WWP1: variants seen among roughly 807,000 people sequenced by gnomAD.
WWP1 encodes WW domain containing E3 ubiquitin protein ligase 1, also known as NEDD4-like E3 ubiquitin-protein ligase WWP1.
A neutral mutation model predicts 130.6 loss-of-function variants in WWP1; 49 were observed. That is an observed-to-expected ratio of 0.38 (90% CI 0.30 to 0.48). The LOEUF is 0.48. Ranked by LOEUF, WWP1 falls within the 20% of genes least tolerant of loss-of-function variation. The probability of loss-of-function intolerance (pLI) is 0.99; values close to 1 mark genes in which losing one functional copy is unlikely to be tolerated. For synonymous variants in WWP1, 332 were observed against 367.8 expected, an observed-to-expected ratio of 0.90 and a Z score of 1.11; for missense variants, 809 against 1,100.6, an observed-to-expected ratio of 0.74 and a Z score of 3.75.
At chr8:86,459,023 C>CTTTTTTTTTTTT (rs71275853) in intron 22 of WWP1, among the ~76,000 whole-genome samples, 123 of 84,204 alleles carry the variant, frequency 1.5e-3, no homozygotes, top group African/African-American at 2.5e-3. Context: ...TTTCTTTTTT[C>CTTTTTTTTTTTT]TTTTTTTTTT....
Position 86,461,782 on chromosome 8 carries a change from G to A in WWP1, c.2605G>A (p.Gly869Arg). 6.2e-7 allele frequency: 1 copy of A among 1,613,784 alleles called. No homozygotes were observed. The highest frequency in any genetic ancestry group is 1.7e-5 in the Admixed American group (1 of 60,010). The change falls in exon 24 of 25, where the codon GGG becomes AGG. Residue 869 changes from glycine to arginine, a missense_variant. This residue lies in a region of WWP1 where 450 missense variants were observed against 674.2 expected (regional missense o/e 0.67). Coordinates refer to ENST00000517970, the MANE Select transcript of WWP1 (RefSeq NM_007013.4). ...GGFAELMGSN[G>R]PQKFCIEKVG... ...TTATTTTCTTGGTGTAGGAAGTAAT[G>A]GGCCTCAAAAGTTTTGCATTGAAAA...
In WWP1 at chr8:86,361,284, G is replaced by C. The variant is rs141343286; in HGVS notation, c.-114-7655G>C. On this transcript the variant is annotated intron_variant, in intron 1 of 24. Coordinates refer to ENST00000517970, the MANE Select transcript of WWP1 (RefSeq NM_007013.4). Reference sequence around the variant, plus strand: ...GTAATTGGCCTAGGCAGAAATCTGGGACATATTAACATATCCCCTTCTTTT... The same window carrying C: ...GTAATTGGCCTAGGCAGAAATCTGGCACATATTAACATATCCCCTTCTTTT... Among the ~76,000 whole-genome samples the C allele has an allele frequency of 8.6e-4, 131 of 152,176 alleles. 1 individual carries two copies. Among genetic ancestry groups the C allele is most frequent in the African/African-American group, 2.9e-3 (119 of 41,534 alleles).
chr8:86,354,097 G>A (rs1226513045), intron 1 of WWP1, among the ~76,000 whole-genome samples: 3 of 152,162 alleles, frequency 2.0e-5, no homozygotes, highest in African/African-American at 7.2e-5. Flanking sequence ...TGGGCTGAGT[G>A]CTACTGTTTA....
chr8:86,385,423 C>T (rs1182556216), intron 5 of WWP1, among the ~76,000 whole-genome samples: 1 of 151,942 alleles, frequency 6.6e-6, no homozygotes, highest in Non-Finnish European at 1.5e-5. Flanking sequence ...GAAAGACAAT[C>T]TAGCTCTTCA....
intron 1 of WWP1, among the ~76,000 whole-genome samples, chr8:86,355,021 G>A (rs1823174414): frequency 6.6e-6 from 1 of 152,058 alleles, no homozygotes; most frequent in South Asian, 2.1e-4. Flanking sequence ...TGAGACTCAG[G>A]TTAAATATGC....
intron 1 of WWP1, among the ~76,000 whole-genome samples, chr8:86,366,705 A>G (rs1323642503): frequency 2.0e-5 from 3 of 152,148 alleles, no homozygotes; most frequent in Non-Finnish European, 4.4e-5. Context: ...GAGCCATTAC[A>G]CTGTTCACTA....
In WWP1 at chr8:86,398,436, G is replaced by A; in HGVS notation, c.429G>A (p.Val143=). The change falls in exon 6 of 25, where the codon GTG becomes GTA. Residue 143 remains valine, a synonymous_variant. Transcript: ENST00000517970. Reference sequence around the variant, plus strand: ...TGACAGTTGTGCTTGATGGATTGGTGATTGAGCAAGAAAATATAACAAACT... The same window carrying A: ...TGACAGTTGTGCTTGATGGATTGGTAATTGAGCAAGAAAATATAACAAACT... ...GELTVVLDGL[V]IEQENITNCS... is the part of the protein sequence containing the mutation. The A allele has an allele frequency of 1.9e-6, 3 of 1,612,952 alleles. No individual in the cohort carries two copies. Among genetic ancestry groups the A allele is most frequent in the Non-Finnish European group, 2.5e-6 (3 of 1,179,264 alleles).
intron 3 of WWP1, among the ~76,000 whole-genome samples, chr8:86,378,987 C>G (rs574214446): frequency 4.6e-5 from 7 of 152,302 alleles, no homozygotes; most frequent in African/African-American, 1.7e-4. Flanking sequence ...AATTGACTTA[C>G]TGTGGTCAGG....
chr8:86,420,695 G>A (rs1809152662), intron 9 of WWP1, among the ~76,000 whole-genome samples: 2 of 152,292 alleles, frequency 1.3e-5, no homozygotes, highest in East Asian at 3.9e-4. Context: ...GGAAAATGAA[G>A]TGAAAGAGAC....
chr8:86,386,770 T>C (rs1323537653), intron 5 of WWP1: 1 of 152,214 alleles, frequency 6.6e-6, no homozygotes, highest in Non-Finnish European at 1.5e-5. Flanking sequence ...TTACTGCATT[T>C]GTTCTGCTGT....
intron 2 of WWP1, among the ~76,000 whole-genome samples, chr8:86,373,486 A>G (rs943357630): frequency 9.2e-5 from 14 of 152,100 alleles, no homozygotes; most frequent in South Asian, 4.1e-4. Context: ...TTCCCACCCC[A>G]TGTAGACTGT....
intron 20 of WWP1, among the ~76,000 whole-genome samples, chr8:86,449,748 C>T (rs889393431): frequency 3.9e-5 from 6 of 152,188 alleles, no homozygotes; most frequent in Admixed American, 3.9e-4. Flanking sequence ...TAGCTGTCAT[C>T]TCTGTCTCTT....
intron 16 of WWP1, 68 bp from the exon 17 acceptor site, chr8:86,438,517 T>C: frequency 1.7e-6 from 2 of 1,177,806 alleles, no homozygotes; most frequent in Non-Finnish European, 2.4e-6. Context: ...AGATTAAATT[T>C]AAATTGTTTT....
At position 86,461,383 on chromosome 8, in the gene WWP1, A is replaced by G; in HGVS notation, c.2596+63A>G. The G allele has an allele frequency of 7.3e-6, 10 of 1,368,858 alleles. No homozygotes were observed. The South Asian group carries it at 8.2e-5, about 11-fold the overall frequency. 84.8% of individuals were successfully genotyped at this position (1,368,858 alleles called of 1,614,324 possible). ...TTTGTGATAATAATGGCCTTTGGACATACAATAGACTTGATTGAACCTAAA... is the reference window on the plus strand; with the variant it reads ...TTTGTGATAATAATGGCCTTTGGACGTACAATAGACTTGATTGAACCTAAA... On this transcript the variant is annotated intron_variant, in intron 23 of 24. Coordinates refer to ENST00000517970, the MANE Select transcript of WWP1 (RefSeq NM_007013.4).
intron 18 of WWP1, among the ~76,000 whole-genome samples, chr8:86,445,326 A>T (rs1056009007): frequency 2.0e-5 from 3 of 151,916 alleles, no homozygotes; most frequent in Non-Finnish European, 2.9e-5. Flanking sequence ...TAGTTTTTCA[A>T]CCCTTGCCTT....
At chr8:86,348,536 T>C (rs10097546) in intron 1 of WWP1, among the ~76,000 whole-genome samples, 22,363 of 152,138 alleles carry the variant, frequency 0.15, 1,791 homozygotes, top group Non-Finnish European at 0.19. Flanking sequence ...ATTTCTTAAA[T>C]CTACAGTTCA....
intron 5 of WWP1, 41 bp from the exon 6 acceptor site, chr8:86,398,301 A>C (rs1175071418): frequency 1.3e-6 from 2 of 1,536,970 alleles, no homozygotes; most frequent in Non-Finnish European, 1.8e-6. Flanking sequence ...GCATTTTTAT[A>C]TGTGGCAAAA....
rs1352855882 is a variant in WWP1, at chr8:86,440,903, TG to T, written c.1839-1714del. Among the ~76,000 whole-genome samples the T allele has an allele frequency of 3.9e-5, 6 of 152,346 alleles. No individual in the cohort carries two copies. The South Asian group carries it at 6.2e-4, about 16-fold the overall frequency. ...TTCTAATGTGATTTTTCTTCATTAG[TG>T]GTTTTACTGTTTTCTTCATTTTCTT... On this transcript the variant is annotated intron_variant, in intron 17 of 24. Transcript: ENST00000517970.
chr8:86,403,278 A>G (rs1296727996), intron 8 of WWP1, among the ~76,000 whole-genome samples: 1 of 152,180 alleles, frequency 6.6e-6, no homozygotes, highest in Non-Finnish European at 1.5e-5. Context: ...ACATTAAAAT[A>G]GATGGATCTT....
Sources: allele counts gnomAD v4.1 joint callset (sites outside exome capture counted in the v4.1 genomes callset), GRCh38; gene constraint gnomAD v4.1.1; regional missense constraint gnomAD v4.1.1; transcripts MANE v1.5; gene names NCBI Gene and HGNC (gene_info 2026-07-23, HGNC 2026-07-21).